CFAP20DC: variants seen among roughly 807,000 people sequenced by gnomAD.
CFAP20DC encodes CFAP20 domain containing.
Under a neutral mutation model 101.7 loss-of-function variants are expected in CFAP20DC, and 84 were observed. The ratio of observed to expected loss-of-function variants is 0.83; its 90% CI spans 0.69 to 0.99. CFAP20DC has a LOEUF of 0.99. CFAP20DC is among the 50% of genes least tolerant of loss of function. The probability of loss-of-function intolerance (pLI) is 0.00; values close to 1 mark genes in which losing one functional copy is unlikely to be tolerated. For synonymous variants in CFAP20DC, 359 were observed against 351.2 expected, an observed-to-expected ratio of 1.02 and a Z score of -0.25; for missense variants, 1,007 against 970.3, an observed-to-expected ratio of 1.04 and a Z score of -0.50.
At chr3:58,917,152 C>T (rs1268869364) in intron 5 of CFAP20DC, among the ~76,000 whole-genome samples, 12 of 152,060 alleles carry the variant, frequency 7.9e-5, no homozygotes, top group Admixed American at 7.9e-4. Flanking sequence ...TCAGTTTATG[C>T]TATTTATTTC....
intron 13 of CFAP20DC, 83 bp from the exon 14 acceptor site, chr3:58,831,972 C>A: frequency 1.7e-6 from 2 of 1,174,514 alleles, no homozygotes; most frequent in South Asian, 1.3e-5. Flanking sequence ...TTAACCCCTA[C>A]AGCAGCTCCC....
chr3:58,849,528 T>C (rs1365641475), intron 12 of CFAP20DC, 119 bp from the exon 13 acceptor site: 2 of 741,648 alleles, frequency 2.7e-6, no homozygotes, highest in East Asian at 5.6e-5. Flanking sequence ...CATCTATATA[T>C]AGATTTTACT....
In CFAP20DC at chr3:58,795,161, AAGCTGAATCTT is replaced by A. The variant is rs1323316390; in HGVS notation, c.2237+11223_2237+11233del. ...AAGGTTCTCATTACTCTTGAGGGGG[AAGCTGAATCTT>A]TTAATTAAAAGCTGAAACTATAAAA... On this transcript the variant is annotated intron_variant, in intron 15 of 16. Coordinates refer to ENST00000482387, the MANE Select transcript of CFAP20DC (RefSeq NM_001394063.1). The surrounding 1 kb of genome is among the most constrained non-coding windows in gnomAD (Gnocchi z 4.2). Among the ~76,000 whole-genome samples, 2 of 152,140 alleles carry A rather than the reference AAGCTGAATCTT, an allele frequency of 1.3e-5. No individual in the cohort carries two copies. Among genetic ancestry groups the A allele is most frequent in the Non-Finnish European group, 2.9e-5 (2 of 68,028 alleles).
chr3:58,811,906 G>C (rs975668019), intron 14 of CFAP20DC, among the ~76,000 whole-genome samples: 1 of 152,142 alleles, frequency 6.6e-6, no homozygotes, highest in African/African-American at 2.4e-5. Context: ...GACATGAACA[G>C]ACACTTCTCA....
In CFAP20DC at chr3:58,717,676, G is replaced by T. The variant is rs1286118089; in HGVS notation, c.198-48C>A. On this transcript the variant is annotated intron_variant, in intron 3 of 3. Transcript: ENST00000486145. The surrounding 1 kb of genome is among the most constrained non-coding windows in gnomAD (Gnocchi z 4.1). ...GAGAAGAAAAAAAAAAAAGAAAAAA[G>T]GTACATGCCTTTTATTCTGGGTCTG... 2 of 423,918 alleles carry T rather than the reference G, an allele frequency of 4.7e-6. No individual in the cohort carries two copies. Among genetic ancestry groups the T allele is most frequent in the Admixed American group, 3.0e-5 (1 of 33,772 alleles). 26.3% of individuals were successfully genotyped at this position (423,918 alleles called of 1,614,324 possible).
At chr3:59,033,700 T>C (rs2094040460) in intron 4 of CFAP20DC, among the ~76,000 whole-genome samples, 1 of 152,114 alleles carries the variant, frequency 6.6e-6, no homozygotes, top group Admixed American at 6.6e-5. Flanking sequence ...TGAGACTATG[T>C]GAAAATACCA....
rs534566183 is a variant in CFAP20DC, at chr3:58,964,969, T to A, written c.279-27207A>T. ...CCAACCTACTACTCACATACTCACA[T>A]CTTTGGAATTTAATTCATTTTCATT... On this transcript the variant is annotated intron_variant, in intron 4 of 16. Coordinates refer to ENST00000482387, the MANE Select transcript of CFAP20DC (RefSeq NM_001394063.1). The surrounding 1 kb of genome is among the most constrained non-coding windows in gnomAD (Gnocchi z 4.1). Among the ~76,000 whole-genome samples, 1 of 152,218 alleles carries A rather than the reference T, an allele frequency of 6.6e-6. No homozygotes were observed. The highest frequency in any genetic ancestry group is 1.5e-5 in the Non-Finnish European group (1 of 68,038).
intron 15 of CFAP20DC, among the ~76,000 whole-genome samples, chr3:58,762,096 A>G: frequency 6.6e-6 from 1 of 152,132 alleles, no homozygotes; most frequent in Non-Finnish European, 1.5e-5. Flanking sequence ...TATGCTTGTT[A>G]ACTTTCTGTC....
At chr3:58,845,589 G>A (rs2077559050) in intron 13 of CFAP20DC, among the ~76,000 whole-genome samples, 2 of 152,068 alleles carry the variant, frequency 1.3e-5, no homozygotes, top group Non-Finnish European at 2.9e-5. Flanking sequence ...GAGGTACAAG[G>A]AGGAACTGGT....
At chr3:58,766,212 T>C (rs1482890076) in intron 15 of CFAP20DC, among the ~76,000 whole-genome samples, 1 of 152,178 alleles carries the variant, frequency 6.6e-6, no homozygotes, top group Non-Finnish European at 1.5e-5. Flanking sequence ...GCATAAACAA[T>C]AGGTTTACGA....
At chr3:59,049,549 C>G (rs540659716) in intron 1 of CFAP20DC, 62 bp downstream of exon 1, 1 of 1,456,638 alleles carries the variant, frequency 6.9e-7, no homozygotes, top group East Asian at 2.5e-5. Context: ...TCACCCCGAT[C>G]ACGGACTACC....
intron 14 of CFAP20DC, among the ~76,000 whole-genome samples, chr3:58,819,274 C>G (rs891571390): frequency 6.6e-6 from 1 of 151,936 alleles, no homozygotes; most frequent in Non-Finnish European, 1.5e-5. Context: ...TAGCAGAAGG[C>G]AAGAGATAAC....
At chr3:59,009,250 C>A (rs1426038258) in intron 4 of CFAP20DC, among the ~76,000 whole-genome samples, 1 of 152,034 alleles carries the variant, frequency 6.6e-6, no homozygotes, top group Admixed American at 6.6e-5. Flanking sequence ...AAAAATAATT[C>A]TGGTAATATG....
At chr3:58,851,293 G>C (rs1420605648) in intron 12 of CFAP20DC, among the ~76,000 whole-genome samples, 1 of 152,134 alleles carries the variant, frequency 6.6e-6, no homozygotes. Context: ...AGTAGAACTG[G>C]AGGCCAATCA....
intron 15 of CFAP20DC, among the ~76,000 whole-genome samples, chr3:58,757,125 T>A (rs1300940160): frequency 6.6e-6 from 1 of 152,154 alleles, no homozygotes; most frequent in Non-Finnish European, 1.5e-5. Flanking sequence ...CTTGTCTTTG[T>A]TAGATATTGG....
intron 16 of CFAP20DC, among the ~76,000 whole-genome samples, chr3:58,743,693 C>T (rs1261415217): frequency 3.9e-5 from 6 of 152,138 alleles, no homozygotes; most frequent in Non-Finnish European, 1.5e-5. Flanking sequence ...AGCCCATGAT[C>T]TTAAGTGTCA....
chr3:58,754,824 T>C (rs541044090), intron 15 of CFAP20DC, among the ~76,000 whole-genome samples: 104 of 152,304 alleles, frequency 6.8e-4, no homozygotes, highest in African/African-American at 2.3e-3. Context: ...TCACTTAGCA[T>C]TGCTAAGATT....
At chr3:58,806,365 T>A in intron 15 of CFAP20DC, 30 bp downstream of exon 15, 1 of 1,443,530 alleles carries the variant, frequency 6.9e-7, no homozygotes. Flanking sequence ...TTTTTTTTTT[T>A]CTTAAATGTA....
chr3:58,980,017 A>G (rs915050992), intron 4 of CFAP20DC, among the ~76,000 whole-genome samples: 1 of 152,196 alleles, frequency 6.6e-6, no homozygotes, highest in African/African-American at 2.4e-5. Flanking sequence ...TTTGCCTCGG[A>G]CATCACTGAG....
Sources: gnomAD v4.1 joint callset for allele counts (sites outside exome capture counted in the v4.1 genomes callset) on GRCh38, gnomAD v4.1.1 for gene constraint, Gnocchi (gnomAD v3.1) non-coding constraint, MANE v1.5 for transcripts, NCBI Gene and HGNC (gene_info 2026-07-23, HGNC 2026-07-21) for gene names.